Variants in SVEP1 observed in about 807,000 individuals in gnomAD.
The protein encoded by SVEP1 is sushi, von Willebrand factor type A, EGF and pentraxin domain containing 1.
SVEP1 carries 164 observed loss-of-function variants against 367.3 expected under a neutral mutation model. That is an observed-to-expected ratio of 0.45 (90% CI 0.39 to 0.51). The LOEUF is 0.51. Ranked by LOEUF, SVEP1 falls within the 20% of genes least tolerant of loss-of-function variation. The pLI, the probability that SVEP1 is intolerant of heterozygous loss-of-function variation, is 0.00. For missense variants in SVEP1, 4,117 were observed against 4,425.3 expected, an observed-to-expected ratio of 0.93 and a Z score of 1.98; for synonymous variants, 1,666 against 1,611.6, an observed-to-expected ratio of 1.03 and a Z score of -0.81.
intron 1 of SVEP1, among the ~76,000 whole-genome samples, chr9:110,550,948 G>A (rs1359461511): frequency 6.6e-6 from 1 of 152,132 alleles, no homozygotes; most frequent in Non-Finnish European, 1.5e-5. Flanking sequence ...GGTGAATCTG[G>A]CATTTAATTC....
At chr9:110,496,682 C>T in intron 8 of SVEP1, 133 bp downstream of exon 8, 1 of 577,034 alleles carries the variant, frequency 1.7e-6, no homozygotes, top group East Asian at 3.0e-5. Flanking sequence ...TACATCTATC[C>T]TATTAGTTCT....
rs183997643 is a variant in SVEP1 at position 110,411,645 on chromosome 9, A to T, written c.6066T>A (p.Asp2022Glu). ...SDQQCLAVSC[D>E]EPPIVDHASP... ...AGGCGTGGTCCACAATGGGTGGCTC[A>T]TCACAGGAGACAGCCAGGCACTGCT... The change falls in exon 37 of 48, where the codon GAT (aspartate) becomes GAA (glutamate). Residue 2022 changes from aspartate to glutamate, a missense_variant. This residue lies in a region of SVEP1 where 2,174 missense variants were observed against 2,494.3 expected (regional missense o/e 0.87). Coordinates refer to ENST00000374469, the MANE Select transcript of SVEP1 (RefSeq NM_153366.4). The T allele has an allele frequency of 6.2e-7, 1 of 1,611,276 alleles. No individual in the cohort carries two copies. Among genetic ancestry groups the T allele is most frequent in the East Asian group, 2.2e-5 (1 of 44,834 alleles).
rs780126406 is a variant in SVEP1, at chr9:110,472,146, A to G, written c.2764+13T>C. The G allele has an allele frequency of 6.3e-7, 1 of 1,598,810 alleles. No homozygotes were observed. The highest frequency in any genetic ancestry group is 2.2e-5 in the East Asian group (1 of 44,674). On this transcript the variant is annotated intron_variant, in intron 15 of 47. Transcript: ENST00000374469. ...CATTATATTGCTTTTTCAAATAGACAGTTTATCCTTACCTGTGATGTTAAA... is the reference window on the plus strand; with the variant it reads ...CATTATATTGCTTTTTCAAATAGACGGTTTATCCTTACCTGTGATGTTAAA...
At chr9:110,438,383 G>T (rs781254187) in intron 27 of SVEP1, among the ~76,000 whole-genome samples, 5 of 151,628 alleles carry the variant, frequency 3.3e-5, no homozygotes, top group Non-Finnish European at 7.4e-5. Context: ...GAGAGATGGG[G>T]TTTCGCCCAC....
At chr9:110,447,139 T>C in intron 24 of SVEP1, 82 bp from the exon 25 acceptor site, 1 of 1,245,332 alleles carries the variant, frequency 8.0e-7, no homozygotes. Flanking sequence ...CGAAAGACTT[T>C]GAAAATTGAA....
chr9:110,471,378 C>T lies in SVEP1; in HGVS notation c.2984G>A (p.Arg995Lys). 1 of 1,613,932 alleles carries T rather than the reference C, an allele frequency of 6.2e-7. No individual in the cohort carries two copies. Among genetic ancestry groups the T allele is most frequent in the South Asian group, 1.1e-5 (1 of 91,070 alleles). Residue 995 changes from arginine (R) to lysine (K), a missense_variant, in exon 16 of 48, where the codon AGA becomes AAA. Arg to Lys is a conservative substitution (Grantham distance 26, BLOSUM62 2). Coordinates refer to ENST00000374469, the MANE Select transcript of SVEP1 (RefSeq NM_153366.4). ...SPFCRPGSVL[R>K]GRMCVNCPLG... ...AACAGTCTTACCACACATACGCCCTCTCAGCACTGAGCCTGGTCTGCAGAA... is the reference window on the plus strand; with the variant it reads ...AACAGTCTTACCACACATACGCCCTTTCAGCACTGAGCCTGGTCTGCAGAA...
intron 7 of SVEP1, 84 bp from the exon 8 acceptor site, chr9:110,497,017 A>G: frequency 1.2e-6 from 1 of 841,132 alleles, no homozygotes; most frequent in Non-Finnish European, 1.8e-6. Flanking sequence ...ATCTAGTTAT[A>G]TTAATACACT....
At chr9:110,439,940 T>G (rs1314699347) in intron 27 of SVEP1, among the ~76,000 whole-genome samples, 1 of 152,164 alleles carries the variant, frequency 6.6e-6, no homozygotes, top group Non-Finnish European at 1.5e-5. Context: ...TGTTTATATT[T>G]TAAAGATAAA....
intron 9 of SVEP1, among the ~76,000 whole-genome samples, chr9:110,486,268 T>A (rs1829275401): frequency 6.6e-6 from 1 of 152,254 alleles, no homozygotes; most frequent in South Asian, 2.1e-4. Context: ...TTTCTGGGCA[T>A]ATCTGATTTT....
chr9:110,390,090 C>CACATACATACTTATATAAGTATATAT lies in SVEP1; in HGVS notation c.9823-529_9823-504dup, dbSNP rs201396723. On this transcript the variant is annotated intron_variant, in intron 40 of 47. Transcript: ENST00000374469. ...GTATATATATATACGTGTATATATACACATACATACTTATATAAGTATATA... is the reference window on the plus strand; with the variant it reads ...GTATATATATATACGTGTATATATACACATACATACTTATATAAGTATATATACATACATACTTATATAAGTATATA... 3.9e-3 allele frequency among the ~76,000 whole-genome samples: 390 copies of CACATACATACTTATATAAGTATATAT among 98,756 alleles called. 1 individual carries two copies. The highest frequency in any genetic ancestry group is 5.2e-3 in the Non-Finnish European group (246 of 47,440). The allele number at this position is 98,756 out of a possible 152,430, so 64.8% of individuals were successfully genotyped here.
At chr9:110,511,918 G>C (rs56159418) in intron 5 of SVEP1, among the ~76,000 whole-genome samples, 1,826 of 152,214 alleles carry the variant, frequency 0.012, 40 homozygotes, top group African/African-American at 0.042. Context: ...CAAATCCTCA[G>C]CAAAGTGTTC....
chr9:110,434,019 C>T (rs544995087), intron 30 of SVEP1, among the ~76,000 whole-genome samples: 14 of 152,278 alleles, frequency 9.2e-5, no homozygotes, highest in Admixed American at 2.6e-4. Flanking sequence ...ATGCACTCGA[C>T]TGAAGATGGC....
intron 40 of SVEP1, among the ~76,000 whole-genome samples, chr9:110,393,799 G>A (rs538037717): frequency 7.9e-5 from 12 of 152,194 alleles, no homozygotes; most frequent in South Asian, 6.2e-4. Context: ...AGGCAGCAGC[G>A]AGGCTGGGGG....
chr9:110,438,748 G>A (rs1214112955), intron 27 of SVEP1, among the ~76,000 whole-genome samples: 4 of 152,082 alleles, frequency 2.6e-5, no homozygotes, highest in Non-Finnish European at 4.4e-5. Context: ...CTTTTGATAC[G>A]AGTTTCTAAA....
intron 9 of SVEP1, among the ~76,000 whole-genome samples, chr9:110,487,920 G>T (rs76038906): frequency 0.023 from 3,479 of 152,288 alleles, 40 homozygotes; most frequent in Middle Eastern, 0.037. Flanking sequence ...CCATGCTCTT[G>T]TCCACTACAG....
intron 36 of SVEP1, among the ~76,000 whole-genome samples, chr9:110,423,146 A>C (rs1588045525): frequency 2.3e-5 from 3 of 131,470 alleles, no homozygotes; most frequent in African/African-American, 8.8e-5. Flanking sequence ...TAAAAAAAAA[A>C]TAAAAAAATA....
chr9:110,425,818 C>A (rs1358509812), intron 36 of SVEP1, among the ~76,000 whole-genome samples: 1 of 152,112 alleles, frequency 6.6e-6, no homozygotes, highest in Non-Finnish European at 1.5e-5. Flanking sequence ...TTCAAATATA[C>A]ATGCAAAGAC....
intron 3 of SVEP1, among the ~76,000 whole-genome samples, chr9:110,534,488 T>C (rs1030548308): frequency 6.6e-6 from 1 of 152,164 alleles, no homozygotes; most frequent in Non-Finnish European, 1.5e-5. Context: ...AATAAACATT[T>C]GCATGCATGT....
intron 5 of SVEP1, among the ~76,000 whole-genome samples, chr9:110,504,221 T>A (rs1021489334): frequency 3.1e-5 from 1 of 32,234 alleles, no homozygotes; most frequent in African/African-American, 1.6e-4. Flanking sequence ...CGCCCGGCTA[T>A]TTTTTTTTTT....
Sources: gnomAD v4.1 joint callset for allele counts (sites outside exome capture counted in the v4.1 genomes callset) on GRCh38, gnomAD v4.1.1 for gene constraint, gnomAD v4.1.1 regional missense constraint, MANE v1.5 for transcripts, NCBI Gene and HGNC (gene_info 2026-07-23, HGNC 2026-07-21) for gene names.